Variants in RAB3IL1 observed in about 807,000 individuals in gnomAD.
RAB3IL1 encodes guanine nucleotide exchange factor for Rab-3A.
RAB3IL1 carries 37 observed loss-of-function variants against 49.2 expected under a neutral mutation model. That is an observed-to-expected ratio of 0.75 (90% confidence interval 0.58 to 0.99). RAB3IL1 has a LOEUF of 0.99. Ranked by LOEUF, RAB3IL1 falls within the 50% of genes least tolerant of loss-of-function variation. The pLI, the probability that RAB3IL1 is intolerant of heterozygous loss-of-function variation, is 0.00. For missense variants in RAB3IL1, 484 were observed against 513.0 expected (o/e 0.94, Z 0.55); for synonymous variants, 193 against 213.9 (o/e 0.90, Z 0.85).
the RAB3IL1 span, among the ~76,000 whole-genome samples, chr11:61,934,328 A>ACACC: frequency 7.4e-6 from 1 of 134,724 alleles, no homozygotes; most frequent in African/African-American, 2.6e-5. Context: ...ATACACACAC[A>ACACC]CACACACACA....
chr11:61,939,390 T>C, the RAB3IL1 span, among the ~76,000 whole-genome samples: 1 of 151,936 alleles, frequency 6.6e-6, no homozygotes, highest in Non-Finnish European at 1.5e-5. Context: ...CAAAGGGAAA[T>C]TTATAGCTGT....
At chr11:61,907,747 C>T (rs1299297516) in intron 2 of RAB3IL1, 87 bp from the exon 3 acceptor site, 15 of 1,223,562 alleles carry the variant, frequency 1.2e-5, no homozygotes, top group Admixed American at 2.1e-5. Flanking sequence ...CAGGTTCCAT[C>T]CCCTCGTCAT....
At chr11:61,920,329 C>A (rs1282264403), upstream of RAB3IL1, 20 of 1,121,132 alleles carry the variant, frequency 1.8e-5, no homozygotes, top group Non-Finnish European at 2.1e-5. Flanking sequence ...AGGGAGGCAC[C>A]ACCTCCCAGG....
In RAB3IL1 at chr11:61,917,407, CG is replaced by C; in HGVS notation, c.-41del. On this transcript the variant is annotated 5_prime_UTR_variant, in exon 1 of 10. Transcript: ENST00000394836. ...GCGCCCAGGCGTCCGTTCCCAGCGCCGCCGCGTCCTCCCAGCGCCGCGTCCC... is the reference window on the plus strand; with the variant it reads ...GCGCCCAGGCGTCCGTTCCCAGCGCCCCGCGTCCTCCCAGCGCCGCGTCCC... 8.2e-7 allele frequency: 1 copy of C among 1,221,194 alleles called. No individual in the cohort carries two copies. Among genetic ancestry groups the C allele is most frequent in the Non-Finnish European group, 1.0e-6 (1 of 983,162 alleles). 75.6% of individuals were successfully genotyped at this position (1,221,194 alleles called of 1,614,324 possible).
upstream of RAB3IL1, among the ~76,000 whole-genome samples, chr11:61,919,472 C>T (rs1000896941): frequency 2.0e-5 from 3 of 152,108 alleles, no homozygotes; most frequent in Admixed American, 6.6e-5. Context: ...AGGATGGGCT[C>T]GGAGAAGTTA....
chr11:61,940,180 G>C, the RAB3IL1 span, among the ~76,000 whole-genome samples: 2 of 152,116 alleles, frequency 1.3e-5, no homozygotes, highest in Non-Finnish European at 2.9e-5. Flanking sequence ...AGTAGCTCAC[G>C]CCTGTAATCC....
Position 61,898,196 on chromosome 11 carries a change from C to G in RAB3IL1, c.*82G>C. Reference sequence around the variant, plus strand: ...CCTCTGGCTCAGGGCTGGCTCCAGGCCCCCGTCTCCCTGTGTGTCGGCTTG... The same window carrying G: ...CCTCTGGCTCAGGGCTGGCTCCAGGGCCCCGTCTCCCTGTGTGTCGGCTTG... On this transcript the variant is annotated 3_prime_UTR_variant, in exon 10 of 10. Transcript: ENST00000394836. The surrounding 1 kb of genome is among the most constrained non-coding windows in gnomAD (Gnocchi z 5.1). The G allele has an allele frequency of 3.0e-6, 4 of 1,337,996 alleles. No homozygotes were observed. Among genetic ancestry groups the G allele is most frequent in the Non-Finnish European group, 3.2e-6 (3 of 951,252 alleles). The allele number at this position is 1,337,996 out of a possible 1,614,324, so 82.9% of individuals were successfully genotyped here. A position where few individuals can be genotyped will look rare whatever the true frequency, so the allele number is the denominator to read the frequency against.
Position 61,912,474 on chromosome 11 carries a change from T to C in RAB3IL1, c.12-4168A>G, listed in dbSNP as rs1004556239. 2.6e-5 allele frequency among the ~76,000 whole-genome samples: 4 copies of C among 152,176 alleles called. No homozygotes were observed. The East Asian group carries it at 7.7e-4, about 29-fold the overall frequency. ...GTCTTCAGCCCCAAACCCACAAGCATGTCAGGTTCCCAAGCGCTAGGCCAC... is the reference window on the plus strand; with the variant it reads ...GTCTTCAGCCCCAAACCCACAAGCACGTCAGGTTCCCAAGCGCTAGGCCAC... On this transcript the variant is annotated intron_variant, in intron 1 of 9. Coordinates refer to ENST00000394836, the MANE Select transcript of RAB3IL1 (RefSeq NM_013401.4).
At chr11:61,922,618 C>A (rs1281782403), upstream of RAB3IL1, among the ~76,000 whole-genome samples, 2 of 152,138 alleles carry the variant, frequency 1.3e-5, no homozygotes, top group Non-Finnish European at 2.9e-5. Context: ...TTTCCTGCCC[C>A]GTCCTCCTGC....
At chr11:61,907,984 T>C (rs1164177645) in intron 2 of RAB3IL1, 70 bp downstream of exon 2, 3 of 1,533,286 alleles carry the variant, frequency 2.0e-6, no homozygotes, top group Non-Finnish European at 2.6e-6. Context: ...GGGCACCTGA[T>C]GAGAGCCCAC....
chr11:61,920,612 ACCTGAATATCC>A (rs1337076036), upstream of RAB3IL1, among the ~76,000 whole-genome samples: 1 of 152,210 alleles, frequency 6.6e-6, no homozygotes, highest in Non-Finnish European at 1.5e-5. Flanking sequence ...GTGACCACAA[ACCTGAATATCC>A]CCTTAAAACT....
chr11:61,902,621 G>T, intron 7 of RAB3IL1, 80 bp from the exon 8 acceptor site: 1 of 1,270,924 alleles, frequency 7.9e-7, no homozygotes, highest in Non-Finnish European at 1.1e-6. Flanking sequence ...GGAAGATGCA[G>T]CAGCTGAGAG....
At chr11:61,899,562 TAGCAGCAGC>T (rs765570044) in intron 8 of RAB3IL1, 182 bp from the exon 9 acceptor site, 308 of 587,102 alleles carry the variant, frequency 5.2e-4, no homozygotes, top group Non-Finnish European at 8.6e-4. Context: ...CCTGCTGTAA[TAGCAGCAGC>T]AGCAGCAGCA....
the RAB3IL1 span, among the ~76,000 whole-genome samples, chr11:61,930,899 A>C: frequency 6.6e-6 from 1 of 152,258 alleles, no homozygotes; most frequent in Non-Finnish European, 1.5e-5. Flanking sequence ...AGATATAACC[A>C]TCTAAATTAA....
chr11:61,908,243 G>A lies in RAB3IL1; in HGVS notation c.75C>T (p.Ser25=). 1.3e-6 allele frequency: 2 copies of A among 1,532,438 alleles called. No individual in the cohort carries two copies. Among genetic ancestry groups the A allele is most frequent in the Non-Finnish European group, 1.8e-6 (2 of 1,138,282 alleles). The allele number at this position is 1,532,438 out of a possible 1,614,324, so 94.9% of individuals were successfully genotyped here. The change falls in exon 2 of 10, where the codon AGC becomes AGT. Residue 25 remains serine, a synonymous_variant. Coordinates refer to ENST00000394836, the MANE Select transcript of RAB3IL1 (RefSeq NM_013401.4). The part of the protein sequence containing the change: ...PLAAVPVPWK[S]TDPCQGHRES... ...CCCTGTGGCCTTGGCAGGGGTCCGT[G>A]CTCTTCCAGGGGACCGGGACAGCTG...
the RAB3IL1 span, among the ~76,000 whole-genome samples, chr11:61,943,616 A>G: frequency 6.6e-6 from 1 of 152,206 alleles, no homozygotes; most frequent in Non-Finnish European, 1.5e-5. Flanking sequence ...TCTAACAACA[A>G]CAAGAAGGCA....
At chr11:61,918,027 C>T (rs372307214), upstream of RAB3IL1, among the ~76,000 whole-genome samples, 1 of 152,156 alleles carries the variant, frequency 6.6e-6, no homozygotes, top group African/African-American at 2.4e-5. Flanking sequence ...AGTTTTATCC[C>T]GAAGGAGTTT....
In RAB3IL1 at chr11:61,908,064, C is replaced by G. The variant is rs201761739; in HGVS notation, c.254G>C (p.Arg85Thr). Reference protein sequence around the residue: ...GSEFLKEELHRAQKELKLKDE... With the variant: ...GSEFLKEELHTAQKELKLKDE... ...ACTGCAGGCACCCACCTTCTGCGCT[C>G]TGTGCAGCTCCTCCTTCAGGAACTC... Residue 85 changes from arginine (R) to threonine (T), a missense_variant, in exon 2 of 10, where the codon AGA becomes ACA. Arg to Thr is a moderately conservative substitution (Grantham distance 71). Coordinates refer to ENST00000394836, the MANE Select transcript of RAB3IL1 (RefSeq NM_013401.4). The G allele has an allele frequency of 4.3e-5, 69 of 1,609,168 alleles. 1 individual carries two copies. In the Admixed American group the frequency reaches 7.0e-4, roughly 16 times the overall value.
In RAB3IL1 at chr11:61,897,691, G is replaced by C. The variant is rs540793042; in HGVS notation, c.*587C>G. The C allele has an allele frequency of 6.6e-6, 1 of 152,260 alleles. No homozygotes were observed. The highest frequency in any genetic ancestry group is 2.1e-4 in the South Asian group (1 of 4,828). The allele number at this position is 152,260 out of a possible 1,614,324, so 9.4% of individuals were successfully genotyped here. The stretch of plus-strand genomic sequence containing the variant: ...GAAGGGGGAAAGGAAGGGAGGAAGC[G>C]GGGGAGGGGTCTTGACTCATCTTAA... On this transcript the variant is annotated 3_prime_UTR_variant, in exon 10 of 10. Transcript: ENST00000394836.
Sources: allele counts gnomAD v4.1 joint callset (sites outside exome capture counted in the v4.1 genomes callset), GRCh38; gene constraint gnomAD v4.1.1; non-coding constraint Gnocchi (gnomAD v3.1); transcripts MANE v1.5; gene names NCBI Gene and HGNC (gene_info 2026-07-23, HGNC 2026-07-21).